The following SHISA6 variants were observed in gnomAD, a reference collection of about 807,000 sequenced individuals.
The protein encoded by SHISA6 is shisa family member 6, also known as protein shisa-6.
Under a neutral mutation model 47.9 loss-of-function variants are expected in SHISA6, and 22 were observed. That is an observed-to-expected ratio of 0.46 (90% CI 0.33 to 0.66). The LOEUF is 0.66. SHISA6 is among the 30% of genes least tolerant of loss of function. The pLI is 0.02. For missense variants in SHISA6, 680 were observed against 764.6 expected, an observed-to-expected ratio of 0.89 and a Z score of 1.30; for synonymous variants, 388 against 337.8, an observed-to-expected ratio of 1.15 and a Z score of -1.63.
chr17:11,261,445 T>G (rs539941740), intron 1 of SHISA6, among the ~76,000 whole-genome samples: 1 of 152,358 alleles, frequency 6.6e-6, no homozygotes, highest in South Asian at 2.1e-4. Flanking sequence ...TCCCAGAAGA[T>G]ACATCGCATA....
chr17:11,511,559 T>A (rs1483844987), intron 3 of SHISA6, among the ~76,000 whole-genome samples: 1 of 150,848 alleles, frequency 6.6e-6, no homozygotes, highest in African/African-American at 2.4e-5. Context: ...AGAGAAAATG[T>A]GGTATAGCCC....
rs60667121 is a variant in SHISA6, at chr17:11,378,329, TTG to T, written c.800-1068_800-1067del. Among the ~76,000 whole-genome samples the T allele has an allele frequency of 8.6e-5, 13 of 150,498 alleles. No homozygotes were observed. The East Asian group carries it at 1.4e-3, about 16-fold the overall frequency. Reference sequence around the variant, plus strand: ...TATGTTTGTGTGCTTTTTTTCTATCTTGTGTGTGTGTGTGTGTGCGCGCACAT... The same window carrying T: ...TATGTTTGTGTGCTTTTTTTCTATCTTGTGTGTGTGTGTGTGCGCGCACAT... On this transcript the variant is annotated intron_variant, in intron 2 of 5. Transcript: ENST00000441885.
At chr17:11,269,620 C>G (rs1388775446) in intron 2 of SHISA6, among the ~76,000 whole-genome samples, 1 of 152,238 alleles carries the variant, frequency 6.6e-6, no homozygotes. Context: ...TGGGAAACTT[C>G]TGGTGAGTCT....
chr17:11,453,543 T>G (rs1915457302), intron 3 of SHISA6, among the ~76,000 whole-genome samples: 1 of 152,228 alleles, frequency 6.6e-6, no homozygotes, highest in African/African-American at 2.4e-5. Context: ...CACCAATCTG[T>G]GCCTTCTCCC....
chr17:11,308,567 A>C (rs1910210339), intron 2 of SHISA6, among the ~76,000 whole-genome samples: 1 of 152,162 alleles, frequency 6.6e-6, no homozygotes, highest in South Asian at 2.1e-4. Context: ...AACACCCCAG[A>C]TACTGTGATC....
At chr17:11,327,587 A>G (rs1910943258) in intron 2 of SHISA6, among the ~76,000 whole-genome samples, 1 of 152,250 alleles carries the variant, frequency 6.6e-6, no homozygotes, top group South Asian at 2.1e-4. Flanking sequence ...ACTTGAGGCC[A>G]GGAGTTCTAT....
intron 2 of SHISA6, among the ~76,000 whole-genome samples, chr17:11,271,595 G>A (rs924308395): frequency 5.6e-5 from 8 of 142,116 alleles, no homozygotes; most frequent in Admixed American, 1.4e-4. Context: ...ACACCACCAC[G>A]CCTGGCTTTT....
At chr17:11,480,427 T>G (rs1250597450) in intron 3 of SHISA6, among the ~76,000 whole-genome samples, 1 of 152,168 alleles carries the variant, frequency 6.6e-6, no homozygotes, top group Non-Finnish European at 1.5e-5. Flanking sequence ...AATGGAAATC[T>G]GAAGAATGAG....
At chr17:11,544,300 T>C (rs2071862266) in intron 3 of SHISA6, among the ~76,000 whole-genome samples, 1 of 152,184 alleles carries the variant, frequency 6.6e-6, no homozygotes, top group African/African-American at 2.4e-5. Context: ...GAAAAACTAT[T>C]TGCAAACCTT....
chr17:11,347,834 G>A (rs1406998684), intron 2 of SHISA6, among the ~76,000 whole-genome samples: 1 of 152,132 alleles, frequency 6.6e-6, no homozygotes, highest in African/African-American at 2.4e-5. Flanking sequence ...TGACAGCTGA[G>A]GTCACTCAGA....
intron 2 of SHISA6, among the ~76,000 whole-genome samples, chr17:11,305,721 C>T (rs982868371): frequency 1.3e-5 from 2 of 152,214 alleles, no homozygotes; most frequent in African/African-American, 2.4e-5. Context: ...AGTCTGTGCT[C>T]AGCCCTCAGG....
At chr17:11,406,229 C>T (rs1400228298) in intron 3 of SHISA6, among the ~76,000 whole-genome samples, 2 of 152,194 alleles carry the variant, frequency 1.3e-5, no homozygotes, top group African/African-American at 4.8e-5. Context: ...ACCTCTCACT[C>T]ACACATCCCC....
Position 11,379,413 on chromosome 17 carries a change from G to T in SHISA6, c.800-1G>T. 6.5e-7 allele frequency: 1 copy of T among 1,535,602 alleles called. No homozygotes were observed. The highest frequency in any genetic ancestry group is 8.8e-7 in the Non-Finnish European group (1 of 1,140,126). On this transcript the variant is annotated splice_acceptor_variant, in intron 2 of 5. Transcript: ENST00000441885. LOFTEE classifies it high-confidence loss of function. ...GGTAATTCTGCCCCATCTTCTTGCAGGGCATTATGGGAAGGATGCTTACCG... is the reference window on the plus strand; with the variant it reads ...GGTAATTCTGCCCCATCTTCTTGCATGGCATTATGGGAAGGATGCTTACCG...
intron 3 of SHISA6, among the ~76,000 whole-genome samples, chr17:11,443,106 T>C (rs1331986798): frequency 1.3e-5 from 2 of 152,198 alleles, no homozygotes; most frequent in Admixed American, 1.3e-4. Flanking sequence ...GAGGTTGCAT[T>C]TGACAGTTGT....
At chr17:11,525,997 G>A (rs1050032649) in intron 3 of SHISA6, among the ~76,000 whole-genome samples, 4 of 141,258 alleles carry the variant, frequency 2.8e-5, no homozygotes, top group Non-Finnish European at 6.1e-5. Flanking sequence ...CAACAAGCGA[G>A]ACCCTATCTT....
intron 3 of SHISA6, among the ~76,000 whole-genome samples, chr17:11,506,820 G>A (rs1381510264): frequency 6.6e-6 from 1 of 152,174 alleles, no homozygotes; most frequent in Non-Finnish European, 1.5e-5. Flanking sequence ...ACAAAACAAA[G>A]TTCAGGACCT....
At chr17:11,337,962 T>C (rs1190338671) in intron 2 of SHISA6, among the ~76,000 whole-genome samples, 2 of 152,236 alleles carry the variant, frequency 1.3e-5, no homozygotes, top group East Asian at 1.9e-4. Flanking sequence ...TAGCAAACTC[T>C]GACCTTTAGG....
At chr17:11,434,058 TTCTC>T (rs1330428082) in intron 3 of SHISA6, among the ~76,000 whole-genome samples, 1 of 151,278 alleles carries the variant, frequency 6.6e-6, no homozygotes. Context: ...TTTTTCTTTT[TTCTC>T]TCTTTTTTTT....
chr17:11,535,858 A>G (rs1476426471), intron 3 of SHISA6, among the ~76,000 whole-genome samples: 1 of 152,146 alleles, frequency 6.6e-6, no homozygotes, highest in Non-Finnish European at 1.5e-5. Context: ...AATGTCCAAC[A>G]AAACAACAGT....
Sources: allele counts gnomAD v4.1 joint callset (sites outside exome capture counted in the v4.1 genomes callset), GRCh38; gene constraint gnomAD v4.1.1; transcripts MANE v1.5; gene names NCBI Gene and HGNC (gene_info 2026-07-23, HGNC 2026-07-21).